MRPL47: variants seen among roughly 807,000 people sequenced by gnomAD.
MRPL47 encodes the protein mitochondrial ribosomal protein L47, also known as large ribosomal subunit protein uL29m.
In MRPL47, 31 loss-of-function variants were observed where a neutral mutation model predicts 34.0. The ratio of observed to expected loss-of-function variants is 0.91; its 90% confidence interval spans 0.68 to 1.23. The LOEUF (loss-of-function observed/expected upper bound fraction) is 1.23. Ranked by LOEUF, MRPL47 falls within the 50% of genes most tolerant of loss-of-function variation. MRPL47 has a pLI of 0.00. For missense variants in MRPL47, 328 were observed against 285.8 expected (o/e 1.15, Z -1.07); for synonymous variants, 106 against 101.6 (o/e 1.04, Z -0.26).
At chr3:179,590,159 T>C (rs948284627) in intron 6 of MRPL47, among the ~76,000 whole-genome samples, 25 of 151,968 alleles carry the variant, frequency 1.6e-4, no homozygotes, top group Admixed American at 7.2e-4. Context: ...GCCAACATGG[T>C]GAAACCCTGT....
chr3:179,602,595 GGGC>G (rs1240242275), intron 2 of MRPL47, 54 bp downstream of exon 2: 10,644 of 772,378 alleles, frequency 0.014, 27 homozygotes, highest in East Asian at 0.047. Flanking sequence ...TGGTTGGGCG[GGGC>G]GGGGGGGGGG....
chr3:179,594,915 C>A (rs1300788000), intron 4 of MRPL47, among the ~76,000 whole-genome samples: 1 of 152,156 alleles, frequency 6.6e-6, no homozygotes, highest in Non-Finnish European at 1.5e-5. Flanking sequence ...CAACAGATAT[C>A]AAATACTGCA....
chr3:179,602,938 A>G, intron 1 of MRPL47, 141 bp from the exon 2 acceptor site: 1 of 707,638 alleles, frequency 1.4e-6, no homozygotes, highest in Non-Finnish European at 2.2e-6. Flanking sequence ...ACAAGAATTA[A>G]TTTTTTTTTC....
chr3:179,592,355 CGTCT>C (rs1288768433), intron 6 of MRPL47, among the ~76,000 whole-genome samples: 3 of 151,954 alleles, frequency 2.0e-5, no homozygotes, highest in African/African-American at 7.3e-5. Flanking sequence ...CCACCATGTC[CGTCT>C]AATTTTTTGT....
intron 6 of MRPL47, among the ~76,000 whole-genome samples, chr3:179,590,931 T>C (rs1283064801): frequency 6.6e-6 from 1 of 152,216 alleles, no homozygotes; most frequent in Non-Finnish European, 1.5e-5. Context: ...AGGGCTAATG[T>C]AGACTGGATG....
chr3:179,596,856 C>T (rs1718799631), intron 4 of MRPL47, among the ~76,000 whole-genome samples: 1 of 152,052 alleles, frequency 6.6e-6, no homozygotes, highest in African/African-American at 2.4e-5. Flanking sequence ...TTTTCTTTTG[C>T]CATAAAGGAC....
At chr3:179,591,285 T>C (rs1420990002) in intron 6 of MRPL47, among the ~76,000 whole-genome samples, 3 of 152,214 alleles carry the variant, frequency 2.0e-5, no homozygotes, top group African/African-American at 7.2e-5. Flanking sequence ...TCCTCTGCCC[T>C]GTCTCTCTCT....
chr3:179,595,834 C>T lies in MRPL47; in HGVS notation c.403-1939G>A, dbSNP rs1035451663. Reference sequence around the variant, plus strand: ...TCTATAAGTTTCTCAGTGCCAGGAGCGTCAGTTGAGAGAATATAAAATAGG... The same window carrying T: ...TCTATAAGTTTCTCAGTGCCAGGAGTGTCAGTTGAGAGAATATAAAATAGG... On this transcript the variant is annotated intron_variant, in intron 4 of 6. Coordinates refer to ENST00000476781, the MANE Select transcript of MRPL47 (RefSeq NM_020409.3). 9.2e-5 allele frequency among the ~76,000 whole-genome samples: 14 copies of T among 152,140 alleles called. 1 individual carries two copies. Among genetic ancestry groups the T allele is most frequent in the African/African-American group, 3.1e-4 (13 of 41,422 alleles).
In MRPL47 at chr3:179,592,575, G is replaced by T. The variant is rs1290517316; in HGVS notation, c.629+69C>A. On this transcript the variant is annotated intron_variant, in intron 6 of 6. Transcript: ENST00000476781. ...AGCTTAAGCTTTCTTTATGTCATCT[G>T]GTATGATATATGACCATATGTCATC... The T allele has an allele frequency of 1.1e-5, 10 of 900,546 alleles. No homozygotes were observed. In the African/African-American group the frequency reaches 1.2e-4, roughly 10 times the overall value. The allele number at this position is 900,546 out of a possible 1,614,324, so 55.8% of individuals were successfully genotyped here.
intron 4 of MRPL47, among the ~76,000 whole-genome samples, chr3:179,597,987 G>T (rs1266030028): frequency 6.6e-6 from 1 of 152,098 alleles, no homozygotes; most frequent in Non-Finnish European, 1.5e-5. Context: ...GGTTAAACCA[G>T]AACTACAAAT....
chr3:179,588,822 CACAG>C lies in MRPL47; in HGVS notation c.*46_*49del, dbSNP rs748799393. The C allele has an allele frequency of 1.4e-5, 22 of 1,572,468 alleles. No individual in the cohort carries two copies. The East Asian group carries it at 2.0e-4, about 14-fold the overall frequency. Reference sequence around the variant, plus strand: ...ACCACTTAACATATTTACTCCTGTACACAGACTATTCAAGAAAAACAAAATGGTA... The same window carrying C: ...ACCACTTAACATATTTACTCCTGTACACTATTCAAGAAAAACAAAATGGTA... On this transcript the variant is annotated 3_prime_UTR_variant, in exon 7 of 7. Transcript: ENST00000476781.
chr3:179,593,956 G>C, intron 4 of MRPL47, 61 bp from the exon 5 acceptor site: 1 of 1,489,530 alleles, frequency 6.7e-7, no homozygotes, highest in Non-Finnish European at 9.2e-7. Context: ...TCCCAAAAAA[G>C]AGAATGTATA....
rs192945052 is a variant in MRPL47, at chr3:179,600,066, G to A, written c.306-1295C>T. 3.9e-3 allele frequency among the ~76,000 whole-genome samples: 597 copies of A among 151,910 alleles called. 4 individuals carry two copies. The highest frequency in any genetic ancestry group is 0.014 in the African/African-American group (574 of 41,414). ...GGAATGGAAGGCGGAGGTTGCAGTG[G>A]GCTGAGATCGTGCCATTGCACTCCG... On this transcript the variant is annotated intron_variant, in intron 3 of 6. Coordinates refer to ENST00000476781, the MANE Select transcript of MRPL47 (RefSeq NM_020409.3).
chr3:179,590,696 TA>T (rs1157157426), intron 6 of MRPL47, among the ~76,000 whole-genome samples: 3,532 of 128,872 alleles, frequency 0.027, 31 homozygotes, highest in Non-Finnish European at 0.036. Context: ...CTGATGTGAT[TA>T]AAAAAAAAAA....
At chr3:179,602,919 G>A (rs1718962383) in intron 1 of MRPL47, 122 bp from the exon 2 acceptor site, 1 of 812,100 alleles carries the variant, frequency 1.2e-6, no homozygotes, top group Non-Finnish European at 1.9e-6. Flanking sequence ...AGCTACTCAG[G>A]GTTTCTGCAC....
At chr3:179,589,233 T>C (rs1718607062) in intron 6 of MRPL47, among the ~76,000 whole-genome samples, 1 of 152,176 alleles carries the variant, frequency 6.6e-6, no homozygotes, top group Non-Finnish European at 1.5e-5. Flanking sequence ...TGTCCAGATA[T>C]TATGAACCTG....
At chr3:179,602,611 T>A in intron 2 of MRPL47, 41 bp downstream of exon 2, 1 of 927,244 alleles carries the variant, frequency 1.1e-6, no homozygotes, top group Non-Finnish European at 1.6e-6. Flanking sequence ...GGGGGGGGGT[T>A]CCATAAATAT....
Position 179,601,762 on chromosome 3 carries a change from CCTTAG to C in MRPL47, c.268_272del (p.Leu90GlufsTer4). ...TGTGTAAATCTTCATTACTTTTGTT[CCTTAG>C]TTGCTGACAGGTCCATGCTGCTCCT... On this transcript the variant is annotated frameshift_variant, in exon 3 of 7. Coordinates refer to ENST00000476781, the MANE Select transcript of MRPL47 (RefSeq NM_020409.3). LOFTEE classifies it high-confidence loss of function. 6.2e-7 allele frequency: 1 copy of C among 1,608,908 alleles called. No individual in the cohort carries two copies. Among genetic ancestry groups the C allele is most frequent in the Non-Finnish European group, 8.5e-7 (1 of 1,175,934 alleles).
chr3:179,604,520 C>T lies in MRPL47; in HGVS notation c.98+7G>A. The T allele has an allele frequency of 6.2e-7, 1 of 1,613,120 alleles. No individual in the cohort carries two copies. The highest frequency in any genetic ancestry group is 8.5e-7 in the Non-Finnish European group (1 of 1,179,312). Reference sequence around the variant, plus strand: ...AGGTGGGCAAACCTACTTTATACATCACTTACCCTGTGCAGGCAGGGACCT... The same window carrying T: ...AGGTGGGCAAACCTACTTTATACATTACTTACCCTGTGCAGGCAGGGACCT... On this transcript the variant is annotated splice_region_variant and intron_variant, in intron 1 of 6. Transcript: ENST00000476781.
Sources: allele counts gnomAD v4.1 joint callset (sites outside exome capture counted in the v4.1 genomes callset), GRCh38; gene constraint gnomAD v4.1.1; transcripts MANE v1.5; gene names NCBI Gene and HGNC (gene_info 2026-07-23, HGNC 2026-07-21).